Variants in PRSS22 observed in about 807,000 individuals in gnomAD.
PRSS22 encodes serine protease 22.
In PRSS22, 26 loss-of-function variants were observed where a neutral mutation model predicts 28.0. The observed-to-expected ratio is 0.93, with a 90% CI of 0.68 to 1.29. The LOEUF (loss-of-function observed/expected upper bound fraction) is 1.29, where lower values mean the gene tolerates loss of function less well. PRSS22 is among the 50% of genes most tolerant of loss of function. The pLI is 0.00. For missense variants in PRSS22, 444 were observed against 422.1 expected (o/e 1.05, Z -0.46); for synonymous variants, 217 against 177.9 (o/e 1.22, Z -1.75).
Position 2,853,099 on chromosome 16 carries a change from G to A in PRSS22, c.948C>T (p.Arg316=), listed in dbSNP as rs2069420429. 6.3e-7 allele frequency: 1 copy of A among 1,585,108 alleles called. No individual in the cohort carries two copies. Among genetic ancestry groups the A allele is most frequent in the South Asian group, 1.1e-5 (1 of 90,116 alleles). The change falls in exon 6 of 6, where the codon CGC becomes CGT. Residue 316 remains arginine, a synonymous_variant. Coordinates refer to ENST00000161006, the MANE Select transcript of PRSS22 (RefSeq NM_022119.4). This position sits in a 1 kb window ranked among gnomAD's most constrained non-coding sequence, Gnocchi z 4.6. ...APSQGSGAAA[R]S Reference sequence around the variant, plus strand: ...CCCCGCGTCCCGCTGCGCCCTAGGAGCGCGCGGCGGCCCCAGAGCCCTGGC... The same window carrying A: ...CCCCGCGTCCCGCTGCGCCCTAGGAACGCGCGGCGGCCCCAGAGCCCTGGC...
At chr16:2,854,112 C>T in intron 4 of PRSS22, 90 bp from the exon 5 acceptor site, 1 of 1,448,688 alleles carries the variant, frequency 6.9e-7, no homozygotes, top group Non-Finnish European at 9.5e-7. Context: ...CCATTCCTCT[C>T]AGCAGCGGTT....
At position 2,852,883 on chromosome 16, in the gene PRSS22, GGGCGGGGCCTGATGCCTTGGA is replaced by G; in HGVS notation, c.*189_*209del. The G allele has an allele frequency of 5.5e-6, 3 of 549,058 alleles. No homozygotes were observed. Among genetic ancestry groups the G allele is most frequent in the East Asian group, 6.4e-5 (2 of 31,112 alleles). 34.0% of individuals were successfully genotyped at this position (549,058 alleles called of 1,614,324 possible). ...GTGGGGGCGGGGACATGAGGCCGTTGGGCGGGGCCTGATGCCTTGGAGGCGGGGCCTGAGGCCGTCGGGCGG... is the reference window on the plus strand; with the variant it reads ...GTGGGGGCGGGGACATGAGGCCGTTGGGCGGGGCCTGAGGCCGTCGGGCGG... On this transcript the variant is annotated 3_prime_UTR_variant, in exon 6 of 6. Coordinates refer to ENST00000161006, the MANE Select transcript of PRSS22 (RefSeq NM_022119.4).
At chr16:2,855,346 T>TAAAAAAAAA (rs1567290371) in intron 4 of PRSS22, among the ~76,000 whole-genome samples, 1 of 16,158 alleles carries the variant, frequency 6.2e-5, no homozygotes, top group African/African-American at 2.5e-4. Flanking sequence ...ACACCCTGTC[T>TAAAAAAAAA]CAAAAAAAAA....
intron 2 of PRSS22, among the ~76,000 whole-genome samples, 181 bp downstream of exon 2, chr16:2,856,641 G>T (rs536168161): frequency 6.6e-6 from 1 of 152,042 alleles, no homozygotes; most frequent in Admixed American, 6.5e-5. Context: ...TCTGGCCCTG[G>T]CATCTCTCAA....
rs2069425945 is a variant in PRSS22 at position 2,853,439 on chromosome 16, C to T, written c.718-110G>A. 9 of 903,138 alleles carry T rather than the reference C, an allele frequency of 1.0e-5. No individual in the cohort carries two copies. The highest frequency in any genetic ancestry group is 1.3e-5 in the Non-Finnish European group (8 of 604,342). The allele number at this position is 903,138 out of a possible 1,614,324, so 55.9% of individuals were successfully genotyped here. The stretch of plus-strand genomic sequence containing the variant: ...AGCCCCTTCCCGGGAGCCCGTTTCT[C>T]CTTCCTGGAGGAGACAGGACCTGAG... On this transcript the variant is annotated intron_variant, in intron 5 of 5. Transcript: ENST00000161006. The surrounding 1 kb of genome is among the most constrained non-coding windows in gnomAD (Gnocchi z 4.6).
chr16:2,857,703 C>A (rs534169023), intron 1 of PRSS22: 7 of 241,686 alleles, frequency 2.9e-5, no homozygotes, highest in African/African-American at 6.7e-5. Context: ...GCGGCAGGAA[C>A]AACACAAAAC....
rs1296857097 is a variant in PRSS22 at position 2,855,622 on chromosome 16, G to A, written c.511C>T (p.Pro171Ser). Residue 171 changes from proline to serine, a missense_variant, in exon 4 of 6, where the codon CCA (proline) becomes TCA (serine). Physicochemically the swap from Pro to Ser is moderately conservative, Grantham distance 74. Coordinates refer to ENST00000161006, the MANE Select transcript of PRSS22 (RefSeq NM_022119.4). ...CLPDASIHLP[P>S]NTHCWISGWG... ...CCTGAGATCCAGCAGTGGGTGTTTG[G>A]AGGGAGGTGGATAGAGGCATCAGGT... 1 of 1,614,018 alleles carries A rather than the reference G, an allele frequency of 6.2e-7. No homozygotes were observed. Among genetic ancestry groups the A allele is most frequent in the African/African-American group, 1.3e-5 (1 of 74,906 alleles).
intron 1 of PRSS22, chr16:2,857,151 C>T (rs556076017): frequency 1.2e-4 from 66 of 529,946 alleles, no homozygotes; most frequent in African/African-American, 1.1e-3. Flanking sequence ...GGGTCCAGTG[C>T]CCAGTGGGAA....
In PRSS22 at chr16:2,853,533, C is replaced by T. The variant is rs889099029; in HGVS notation, c.718-204G>A. On this transcript the variant is annotated intron_variant, in intron 5 of 5. Transcript: ENST00000161006. This position sits in a 1 kb window ranked among gnomAD's most constrained non-coding sequence, Gnocchi z 4.6. ...AGCCAGGCCTTAAGACGTCCAGGCG[C>T]GGGTGCTGCCGCTGCACCATCTGAC... Among the ~76,000 whole-genome samples, 6 of 152,238 alleles carry T rather than the reference C, an allele frequency of 3.9e-5. No individual in the cohort carries two copies. Among genetic ancestry groups the T allele is most frequent in the African/African-American group, 1.4e-4 (6 of 41,458 alleles).
rs2069425130 is a variant in PRSS22 at position 2,853,367 on chromosome 16, C to T, written c.718-38G>A. The stretch of plus-strand genomic sequence containing the variant: ...GGCGAGGTTAGGAACCCCCGTGGCA[C>T]AGGGGGTGGCAGAATCCAGGGCCCG... On this transcript the variant is annotated intron_variant, in intron 5 of 5. Coordinates refer to ENST00000161006, the MANE Select transcript of PRSS22 (RefSeq NM_022119.4). This position sits in a 1 kb window ranked among gnomAD's most constrained non-coding sequence, Gnocchi z 4.6. 5.3e-6 allele frequency: 8 copies of T among 1,519,718 alleles called. No homozygotes were observed. The highest frequency in any genetic ancestry group is 6.2e-6 in the Non-Finnish European group (7 of 1,121,000). The allele number at this position is 1,519,718 out of a possible 1,614,324, so 94.1% of individuals were successfully genotyped here. A position where few individuals can be genotyped will look rare whatever the true frequency, so the allele number is the denominator to read the frequency against.
rs758083128 is a variant in PRSS22, at chr16:2,853,910, G to A, written c.672C>T (p.Asp224=). The change falls in exon 5 of 6, where the codon GAC becomes GAT. Residue 224 remains aspartate (D), a synonymous_variant. Transcript: ENST00000161006. The surrounding 1 kb of genome is among the most constrained non-coding windows in gnomAD (Gnocchi z 4.6). ...RGAGQGPITE[D]MLCAGYLEGE... Reference sequence around the variant, plus strand: ...CCTCCAAGTAGCCGGCACACAGCATGTCCTCAGTGATGGGTCCCTGTCCTG... The same window carrying A: ...CCTCCAAGTAGCCGGCACACAGCATATCCTCAGTGATGGGTCCCTGTCCTG... 5 of 1,614,186 alleles carry A rather than the reference G, an allele frequency of 3.1e-6. No homozygotes were observed. The highest frequency in any genetic ancestry group is 1.6e-4 in the Middle Eastern group (1 of 6,062).
Position 2,858,081 on chromosome 16 carries a change from TG to T in PRSS22, c.23del (p.Pro8GlnfsTer40). On this transcript the variant is annotated frameshift_variant, in exon 1 of 6. Coordinates refer to ENST00000161006, the MANE Select transcript of PRSS22 (RefSeq NM_022119.4). LOFTEE classifies it high-confidence loss of function. MVVSGAP[P>X]ALGGGCLGTF... ...TGCCGAGACAGCCCCCACCCAGGGC[TG>T]GGGGCGCTCCAGAAACCACCATGGC... The T allele has an allele frequency of 1.6e-6, 2 of 1,271,816 alleles. No individual in the cohort carries two copies. The highest frequency in any genetic ancestry group is 3.3e-5 in the South Asian group (1 of 30,596). The allele number at this position is 1,271,816 out of a possible 1,614,324, so 78.8% of individuals were successfully genotyped here. A position where few individuals can be genotyped will look rare whatever the true frequency, so the allele number is the denominator to read the frequency against.
chr16:2,857,731 A>AAGC (rs1274652400), intron 1 of PRSS22: 23 of 302,128 alleles, frequency 7.6e-5, no homozygotes. Flanking sequence ...CCCCAGAGGC[A>AAGC]AGCAGCGGAG....
Position 2,856,244 on chromosome 16 carries a change from G to T in PRSS22, c.119C>A (p.Ala40Asp), listed in dbSNP as rs2069455521. The T allele has an allele frequency of 6.2e-7, 1 of 1,613,276 alleles. No individual in the cohort carries two copies. The highest frequency in any genetic ancestry group is 1.7e-5 in the Admixed American group (1 of 59,988). The change falls in exon 3 of 6, where the codon GCC becomes GAC. Residue 40 changes from alanine (A) to aspartate (D), a missense_variant. Coordinates refer to ENST00000161006, the MANE Select transcript of PRSS22 (RefSeq NM_022119.4). ...LNAARIPVPP[A>D]CGKPQQLNRV... ...GTTCAGCTGCTGGGGCTTCCCACAG[G>T]CTGGGGGAACTGGAGGGTACGGTCA...
intron 4 of PRSS22, 47 bp from the exon 5 acceptor site, chr16:2,854,069 G>A (rs1270403744): frequency 4.4e-6 from 7 of 1,606,954 alleles, no homozygotes; most frequent in African/African-American, 1.3e-5. Context: ...TCCCCTCCTC[G>A]TTGCCTCCTC....
chr16:2,852,986 A>C lies in PRSS22; in HGVS notation c.*107T>G. 1 of 691,070 alleles carries C rather than the reference A, an allele frequency of 1.4e-6. No homozygotes were observed. The highest frequency in any genetic ancestry group is 2.2e-6 in the Non-Finnish European group (1 of 447,018). 42.8% of individuals were successfully genotyped at this position (691,070 alleles called of 1,614,324 possible). ...CGTCCGGGCCCCCAGAGGTAGAGGT[A>C]GATGAGCCTATTTACGGCGGGGGAA... On this transcript the variant is annotated 3_prime_UTR_variant, in exon 6 of 6. Coordinates refer to ENST00000161006, the MANE Select transcript of PRSS22 (RefSeq NM_022119.4).
rs577892283 is a variant in PRSS22 at position 2,857,954 on chromosome 16, G to C, written c.82+69C>G. 5.2e-5 allele frequency: 59 copies of C among 1,143,162 alleles called. No homozygotes were observed. In the African/African-American group the frequency reaches 8.0e-4, roughly 15 times the overall value. The allele number at this position is 1,143,162 out of a possible 1,614,324, so 70.8% of individuals were successfully genotyped here. A position where few individuals can be genotyped will look rare whatever the true frequency, so the allele number is the denominator to read the frequency against. On this transcript the variant is annotated intron_variant, in intron 1 of 5. Coordinates refer to ENST00000161006, the MANE Select transcript of PRSS22 (RefSeq NM_022119.4). ...GAGAGGCAAGGCCAGGAGGGAGAGA[G>C]GGAGGGAGGGAAGGAGGGAAGGAGG...
rs1428760303 is a variant in PRSS22, at chr16:2,855,794, G to A, written c.339C>T (p.Asn113=). 10 of 1,613,972 alleles carry A rather than the reference G, an allele frequency of 6.2e-6. No homozygotes were observed. Among genetic ancestry groups the A allele is most frequent in the Admixed American group, 1.7e-5 (1 of 60,018 alleles). The part of the protein sequence containing the change: ...SVLLGAWQLG[N]PGSRSQKVGV... Reference sequence around the variant, plus strand: ...CCACCTTCTGGGACCGAGAGCCAGGGTTCCCCAGCTGCCAGGCCCCCAGCA... The same window carrying A: ...CCACCTTCTGGGACCGAGAGCCAGGATTCCCCAGCTGCCAGGCCCCCAGCA... The change falls in exon 4 of 6, where the codon AAC becomes AAT. Residue 113 remains asparagine, a synonymous_variant. Coordinates refer to ENST00000161006, the MANE Select transcript of PRSS22 (RefSeq NM_022119.4).
chr16:2,853,705 C>T lies in PRSS22; in HGVS notation c.717+160G>A, dbSNP rs78025696. 3.7e-3 allele frequency among the ~76,000 whole-genome samples: 567 copies of T among 152,320 alleles called. 4 individuals carry two copies. The highest frequency in any genetic ancestry group is 0.013 in the African/African-American group (556 of 41,576). ...CTGAACAAATAAGTGAGTGGCTGAG[C>T]CAGGCTGAGGCTGGTTCTATGGGGA... On this transcript the variant is annotated intron_variant, in intron 5 of 5. Coordinates refer to ENST00000161006, the MANE Select transcript of PRSS22 (RefSeq NM_022119.4). The surrounding 1 kb of genome is among the most constrained non-coding windows in gnomAD (Gnocchi z 4.6).
Sources: allele counts gnomAD v4.1 joint callset (sites outside exome capture counted in the v4.1 genomes callset), GRCh38; gene constraint gnomAD v4.1.1; non-coding constraint Gnocchi (gnomAD v3.1); transcripts MANE v1.5; gene names NCBI Gene and HGNC (gene_info 2026-07-23, HGNC 2026-07-21).